Variants in ANO10 observed in about 807,000 individuals in gnomAD.
ANO10 encodes the protein anoctamin 10, also known as anoctamin-10.
ANO10 carries 77 observed loss-of-function variants against 74.7 expected under a neutral mutation model. The observed-to-expected ratio is 1.03, with a 90% CI of 0.86 to 1.25. ANO10 has a LOEUF of 1.25. ANO10 is among the 50% of genes most tolerant of loss of function. ANO10 has a pLI of 0.00. For missense variants in ANO10, 721 were observed against 778.1 expected, an observed-to-expected ratio of 0.93 and a Z score of 0.87; for synonymous variants, 279 against 284.9, an observed-to-expected ratio of 0.98 and a Z score of 0.21.
chr3:43,414,062 T>C (rs532572923), intron 12 of ANO10, among the ~76,000 whole-genome samples: 80 of 152,024 alleles, frequency 5.3e-4, no homozygotes, highest in South Asian at 2.1e-3. Context: ...GATTGGAAGA[T>C]AGAACCACCA....
chr3:43,685,343 C>G (rs1408615522), intron 1 of ANO10, among the ~76,000 whole-genome samples: 1 of 152,286 alleles, frequency 6.6e-6, no homozygotes, highest in South Asian at 2.1e-4. Flanking sequence ...TATCAATATG[C>G]TCTGGAGTAC....
chr3:43,374,427 G>C (rs995683719), intron 12 of ANO10, among the ~76,000 whole-genome samples: 1 of 152,180 alleles, frequency 6.6e-6, no homozygotes, highest in Non-Finnish European at 1.5e-5. Context: ...AAAAAACAGA[G>C]GCACATAAAG....
chr3:43,485,825 G>C, intron 11 of ANO10: 2 of 281,744 alleles, frequency 7.1e-6, no homozygotes, highest in South Asian at 6.6e-5. Context: ...GCATTCCGGG[G>C]TGTGCAGGCA....
intron 12 of ANO10, among the ~76,000 whole-genome samples, chr3:43,378,489 T>C (rs1024837106): frequency 6.6e-6 from 1 of 152,244 alleles, no homozygotes; most frequent in Non-Finnish European, 1.5e-5. Context: ...CAGGGCAGTT[T>C]TCCCCACATC....
intron 12 of ANO10, among the ~76,000 whole-genome samples, chr3:43,425,463 C>T (rs1405563815): frequency 6.6e-6 from 1 of 151,634 alleles, no homozygotes; most frequent in African/African-American, 2.4e-5. Flanking sequence ...AAATATAAAC[C>T]AAAAATAAAA....
At chr3:43,622,043 G>A (rs1018093598), upstream of ANO10, 1 of 152,646 alleles carries the variant, frequency 6.6e-6, no homozygotes, top group African/African-American at 2.4e-5. Flanking sequence ...TGGGCGTGGC[G>A]GACGCGGCGG....
At chr3:43,623,621 G>A (rs1047644390), upstream of ANO10, among the ~76,000 whole-genome samples, 1 of 152,164 alleles carries the variant, frequency 6.6e-6, no homozygotes, top group African/African-American at 2.4e-5. Flanking sequence ...ACTGCAGTGC[G>A]GAGAAGGCTG....
chr3:43,599,199 T>G (rs2082225287), intron 3 of ANO10, among the ~76,000 whole-genome samples: 1 of 152,216 alleles, frequency 6.6e-6, no homozygotes, highest in Non-Finnish European at 1.5e-5. Flanking sequence ...AATTTCCTCT[T>G]GAACATTTAT....
At chr3:43,473,112 T>A (rs1315661888) in intron 11 of ANO10, among the ~76,000 whole-genome samples, 1 of 152,200 alleles carries the variant, frequency 6.6e-6, no homozygotes, top group East Asian at 1.9e-4. Flanking sequence ...GGCAAATCAG[T>A]GTGTTGTGAA....
chr3:43,594,149 C>T (rs867610789), intron 4 of ANO10, among the ~76,000 whole-genome samples: 3 of 152,172 alleles, frequency 2.0e-5, no homozygotes, highest in East Asian at 1.9e-4. Flanking sequence ...TAGACTCCCA[C>T]ACAATAATAA....
chr3:43,589,325 G>A (rs775309830), intron 4 of ANO10, among the ~76,000 whole-genome samples: 2 of 149,548 alleles, frequency 1.3e-5, no homozygotes, highest in Non-Finnish European at 3.0e-5. Flanking sequence ...TTCTAAACAC[G>A]ATAAAAATTA....
intron 1 of ANO10, among the ~76,000 whole-genome samples, chr3:43,608,641 G>A (rs1324437331): frequency 6.6e-6 from 1 of 152,116 alleles, no homozygotes; most frequent in Non-Finnish European, 1.5e-5. Flanking sequence ...GAGTACAGCG[G>A]TGTGATCGTG....
At chr3:43,679,993 G>A (rs1209961010) in intron 1 of ANO10, among the ~76,000 whole-genome samples, 1 of 152,144 alleles carries the variant, frequency 6.6e-6, no homozygotes, top group East Asian at 1.9e-4. Flanking sequence ...GGAAAAAACA[G>A]AGAAGAAAAA....
intron 1 of ANO10, among the ~76,000 whole-genome samples, chr3:43,666,628 C>CA (rs1559392766): frequency 6.6e-6 from 1 of 152,160 alleles, no homozygotes; most frequent in East Asian, 1.9e-4. Context: ...CATTCTGTCT[C>CA]AGACTATTCC....
At position 43,572,361 on chromosome 3, in the gene ANO10, G is replaced by T. The variant is rs1382282297; in HGVS notation, c.1218+2448C>A. On this transcript the variant is annotated intron_variant, in intron 7 of 12. Transcript: ENST00000292246. ...CACTGGCAAGAAGGACCCTATCACA[G>T]CAAGCCTATGCCTGGAAACCTCATC... Among the ~76,000 whole-genome samples the T allele has an allele frequency of 2.0e-5, 3 of 152,284 alleles. No individual in the cohort carries two copies. In the East Asian group the frequency reaches 5.8e-4, roughly 29 times the overall value.
At chr3:43,604,193 A>G (rs945501377) in intron 2 of ANO10, among the ~76,000 whole-genome samples, 1 of 152,196 alleles carries the variant, frequency 6.6e-6, no homozygotes, top group African/African-American at 2.4e-5. Context: ...CATACCCATC[A>G]TCTCAAACAT....
At chr3:43,545,864 A>C (rs948304792) in intron 11 of ANO10, among the ~76,000 whole-genome samples, 1 of 152,270 alleles carries the variant, frequency 6.6e-6, no homozygotes, top group African/African-American at 2.4e-5. Context: ...ATTCAGAATT[A>C]GAATTTTAAC....
intron 1 of ANO10, among the ~76,000 whole-genome samples, chr3:43,621,164 C>T (rs2083373225): frequency 6.6e-6 from 1 of 152,152 alleles, no homozygotes; most frequent in Non-Finnish European, 1.5e-5. Context: ...CTCCATACAC[C>T]GTCCTGCTGG....
chr3:43,486,899 C>T (rs1335002992), intron 11 of ANO10, among the ~76,000 whole-genome samples: 1 of 140,606 alleles, frequency 7.1e-6, no homozygotes, highest in East Asian at 2.1e-4. Context: ...AAAGGGAATG[C>T]TTCCAGTTTT....
Sources: gnomAD v4.1 joint callset for allele counts (sites outside exome capture counted in the v4.1 genomes callset) on GRCh38, gnomAD v4.1.1 for gene constraint, MANE v1.5 for transcripts, NCBI Gene and HGNC (gene_info 2026-07-23, HGNC 2026-07-21) for gene names.